TARBP1: variants seen among roughly 807,000 people sequenced by gnomAD.
TARBP1 encodes the protein tRNA (guanosine(18)-2'-O)-methyltransferase TARBP1.
In TARBP1, 144 loss-of-function variants were observed where a neutral mutation model predicts 178.6. The ratio of observed to expected loss-of-function variants is 0.81; its 90% CI spans 0.70 to 0.93. The LOEUF (loss-of-function observed/expected upper bound fraction) is 0.93, where lower values mean the gene tolerates loss of function less well. Among genes scored for constraint, TARBP1 ranks in the 40% least tolerant of loss-of-function variants. The probability of loss-of-function intolerance (pLI) is 0.00; values close to 1 mark genes in which losing one functional copy is unlikely to be tolerated. For synonymous variants in TARBP1, 787 were observed against 781.0 expected (o/e 1.01, Z -0.13); for missense variants, 2,067 against 2,011.7 (o/e 1.03, Z -0.53).
At chr1:234,424,445 G>C (rs555076527) in intron 20 of TARBP1, among the ~76,000 whole-genome samples, 1 of 152,190 alleles carries the variant, frequency 6.6e-6, no homozygotes, top group African/African-American at 2.4e-5. Context: ...ATTTTCATCA[G>C]TCTTAGACAA....
rs1017637409 is a variant in TARBP1, at chr1:234,393,268, A to C, written c.4560+94T>G. On this transcript the variant is annotated intron_variant, in intron 28 of 29. Transcript: ENST00000040877. ...TAGAGCACTATAAAATATTTTTACA[A>C]ATACAAACTTTTTTTTAAACTTTTA... The C allele has an allele frequency of 2.3e-6, 3 of 1,281,306 alleles. No homozygotes were observed. The African/African-American group carries it at 4.4e-5, about 19-fold the overall frequency. 79.4% of individuals were successfully genotyped at this position (1,281,306 alleles called of 1,614,324 possible). A position where few individuals can be genotyped will look rare whatever the true frequency, so the allele number is the denominator to read the frequency against.
chr1:234,398,979 T>A (rs1263540937), intron 25 of TARBP1, among the ~76,000 whole-genome samples: 3 of 152,240 alleles, frequency 2.0e-5, no homozygotes, highest in Admixed American at 1.3e-4. Flanking sequence ...AAATTTAGAA[T>A]CTGAATTCTG....
Position 234,479,074 on chromosome 1 carries a change from G to T in TARBP1, c.30C>A (p.Leu10=). The change falls in exon 1 of 30, where the codon CTC becomes CTA. Residue 10 remains leucine, a synonymous_variant. Coordinates refer to ENST00000040877, the MANE Select transcript of TARBP1 (RefSeq NM_005646.4). Reference sequence around the variant, plus strand: ...GGGCCCGGGGGTCCCGGCTCTGCGAGAGCAGCGCTTCCGCGAGCACCCACT... The same window carrying T: ...GGGCCCGGGGGTCCCGGCTCTGCGATAGCAGCGCTTCCGCGAGCACCCACT... MEWVLAEAL[L]SQSRDPRALL... 6.5e-7 allele frequency: 1 copy of T among 1,540,160 alleles called. No homozygotes were observed. Among genetic ancestry groups the T allele is most frequent in the African/African-American group, 1.4e-5 (1 of 70,204 alleles).
intron 9 of TARBP1, among the ~76,000 whole-genome samples, chr1:234,454,807 T>C (rs1667121837): frequency 6.6e-6 from 1 of 152,162 alleles, no homozygotes; most frequent in Admixed American, 6.5e-5. Flanking sequence ...GAGGTCCTAA[T>C]CCCGGAACCT....
intron 22 of TARBP1, among the ~76,000 whole-genome samples, chr1:234,415,722 G>T (rs936112136): frequency 5.3e-5 from 8 of 152,174 alleles, no homozygotes; most frequent in African/African-American, 1.7e-4. Context: ...GTATACAGCT[G>T]GCTATAGCAA....
At chr1:234,425,854 A>T (rs1050743534) in intron 19 of TARBP1, 61 bp from the exon 20 acceptor site, 70 of 1,314,974 alleles carry the variant, frequency 5.3e-5, no homozygotes, top group Middle Eastern at 2.7e-4. Context: ...TTAACATCAA[A>T]TATTAGTTTC....
At position 234,433,469 on chromosome 1, in the gene TARBP1, C is replaced by T. The variant is rs1319428882; in HGVS notation, c.2335G>A (p.Val779Ile). ...GWKRGNPIWR[V>I]ISLLKNASIQ... is the part of the protein sequence containing the mutation. ...GATGCATTTTTCAAAAGAGAAATAA[C>T]TCTCCAGATAGGGTTACCCCTTTTC... is the stretch of plus-strand genomic sequence containing the variant. The change falls in exon 14 of 30, where the codon GTT becomes ATT. Residue 779 changes from valine to isoleucine, a missense_variant. Transcript: ENST00000040877. 1.2e-6 allele frequency: 2 copies of T among 1,613,916 alleles called. No individual in the cohort carries two copies. Among genetic ancestry groups the T allele is most frequent in the Non-Finnish European group, 1.7e-6 (2 of 1,179,998 alleles).
chr1:234,427,766 T>A lies in TARBP1; in HGVS notation c.3061A>T (p.Ile1021Phe). ...KGQAYFKIKEIMYKIIEMSAI... is the reference protein window; with the variant it reads ...KGQAYFKIKEFMYKIIEMSAI... ...GACATTTCAATTATCTTGTACATAA[T>A]CTGGAATAAAATACAACCGTCATTT... The change falls in exon 18 of 30, where the codon ATT becomes TTT. Residue 1021 changes from isoleucine (I) to phenylalanine (F), a missense_variant and splice_region_variant. By Grantham distance (21) the Ile-to-Phe change is conservative. Coordinates refer to ENST00000040877, the MANE Select transcript of TARBP1 (RefSeq NM_005646.4). 2.1e-6 allele frequency: 3 copies of A among 1,407,042 alleles called. No homozygotes were observed. Among genetic ancestry groups the A allele is most frequent in the Non-Finnish European group, 2.8e-6 (3 of 1,076,558 alleles). The allele number at this position is 1,407,042 out of a possible 1,614,324, so 87.2% of individuals were successfully genotyped here. A position where few individuals can be genotyped will look rare whatever the true frequency, so the allele number is the denominator to read the frequency against.
At chr1:234,464,014 T>C (rs998566295) in intron 5 of TARBP1, 80 bp from the exon 6 acceptor site, 4 of 778,068 alleles carry the variant, frequency 5.1e-6, no homozygotes, top group Admixed American at 7.8e-5. Flanking sequence ...AAATGGACCA[T>C]GGCCCAAAAG....
chr1:234,463,680 A>T (rs998546047), intron 6 of TARBP1, among the ~76,000 whole-genome samples, 157 bp downstream of exon 6: 1 of 152,226 alleles, frequency 6.6e-6, no homozygotes, highest in Non-Finnish European at 1.5e-5. Context: ...CTCAAAAAAG[A>T]TACTGTATAA....
chr1:234,420,811 T>A lies in TARBP1; in HGVS notation c.3446A>T (p.Asp1149Val), dbSNP rs377306097. Residue 1149 changes from aspartate to valine, a missense_variant and splice_region_variant, in exon 21 of 30, where the codon GAT becomes GTT. Coordinates refer to ENST00000040877, the MANE Select transcript of TARBP1 (RefSeq NM_005646.4). Reference protein sequence around the residue: ...EDLAIKLLDKDELVSKSKKRY... With the variant: ...EDLAIKLLDKVELVSKSKKRY... The stretch of plus-strand genomic sequence containing the variant: ...TTTTTTGGACTTGGACACTAATTCA[T>A]CCTGGAAAGGAGAAGGGAGGGAGTC... The A allele has an allele frequency of 3.8e-6, 6 of 1,573,130 alleles. No individual in the cohort carries two copies. Among genetic ancestry groups the A allele is most frequent in the Non-Finnish European group, 5.2e-6 (6 of 1,147,984 alleles).
intron 13 of TARBP1, among the ~76,000 whole-genome samples, chr1:234,435,598 T>C (rs1664932832): frequency 6.6e-6 from 1 of 152,206 alleles, no homozygotes; most frequent in Non-Finnish European, 1.5e-5. Flanking sequence ...TAGTGTAAAG[T>C]GCTTAAGAAA....
intron 25 of TARBP1, among the ~76,000 whole-genome samples, chr1:234,400,078 G>A (rs1173992443): frequency 6.7e-6 from 1 of 148,664 alleles, no homozygotes; most frequent in Non-Finnish European, 1.5e-5. Flanking sequence ...TACATGAAGA[G>A]ATACAGTTCC....
rs1170258929 is a variant in TARBP1, at chr1:234,391,617, G to A, written c.4826C>T (p.Thr1609Ile). 1.2e-6 allele frequency: 2 copies of A among 1,613,522 alleles called. No individual in the cohort carries two copies. Among genetic ancestry groups the A allele is most frequent in the Non-Finnish European group, 8.5e-7 (1 of 1,179,962 alleles). The change falls in exon 30 of 30, where the codon ACC becomes ATC. Residue 1609 changes from threonine to isoleucine, a missense_variant. Transcript: ENST00000040877. ...VSGALLIWEY[T>I]RQQLLSHGDT... The stretch of plus-strand genomic sequence containing the variant: ...TCCGTGCGAGAGCAGCTGCTGCCTG[G>A]TGTACTCCCAGATCAGCAGGGCTCC...
chr1:234,405,947 C>T lies in TARBP1; in HGVS notation c.3945G>A (p.Val1315=), dbSNP rs763327960. 3.1e-6 allele frequency: 5 copies of T among 1,614,184 alleles called. No individual in the cohort carries two copies. Among genetic ancestry groups the T allele is most frequent in the Non-Finnish European group, 4.2e-6 (5 of 1,180,026 alleles). The part of the protein sequence containing the change: ...SVEEFDALTP[V]IESSLHQVES... ...CCACTTGATGGAGGCTGGATTCAAT[C>T]ACAGGAGTCAGGGCATCAAATTCTT... The change falls in exon 24 of 30, where the codon GTG becomes GTA. Residue 1315 remains valine, a synonymous_variant. Coordinates refer to ENST00000040877, the MANE Select transcript of TARBP1 (RefSeq NM_005646.4).
At chr1:234,466,859 A>G (rs1668490439) in intron 4 of TARBP1, among the ~76,000 whole-genome samples, 1 of 152,028 alleles carries the variant, frequency 6.6e-6, no homozygotes, top group Non-Finnish European at 1.5e-5. Context: ...ATGAGACACC[A>G]TCTCGAAAAA....
chr1:234,398,488 T>C lies in TARBP1; in HGVS notation c.4137A>G (p.Lys1379=). Reference sequence around the variant, plus strand: ...AAGGAACATCAGTGAATCTGGTAAATTTATCAATGGTGATCCATTCATCTT... The same window carrying C: ...AAGGAACATCAGTGAATCTGGTAAACTTATCAATGGTGATCCATTCATCTT... The part of the protein sequence containing the change: ...LIEDEWITID[K]FTRFTDVPLA... The change falls in exon 26 of 30, where the codon AAA becomes AAG. Residue 1379 remains lysine (K), a synonymous_variant. Transcript: ENST00000040877. 6.2e-7 allele frequency: 1 copy of C among 1,611,630 alleles called. No individual in the cohort carries two copies. Among genetic ancestry groups the C allele is most frequent in the Non-Finnish European group, 8.5e-7 (1 of 1,178,428 alleles).
intron 1 of TARBP1, 85 bp downstream of exon 1, chr1:234,478,088 A>C (rs1000971317): frequency 3.7e-6 from 5 of 1,365,748 alleles, no homozygotes; most frequent in Non-Finnish European, 5.1e-6. Flanking sequence ...GACGACCCCG[A>C]TAAGCTAGTT....
intron 28 of TARBP1, 29 bp downstream of exon 28, chr1:234,393,333 A>C (rs1401974228): frequency 2.1e-6 from 3 of 1,457,954 alleles, no homozygotes; most frequent in African/African-American, 2.8e-5. Flanking sequence ...TGTTTTAAGA[A>C]CTTTAATAAT....
Sources: gnomAD v4.1 joint callset for allele counts (sites outside exome capture counted in the v4.1 genomes callset) on GRCh38, gnomAD v4.1.1 for gene constraint, MANE v1.5 for transcripts, NCBI Gene and HGNC (gene_info 2026-07-23, HGNC 2026-07-21) for gene names.